CHERP: variants seen among roughly 807,000 people sequenced by gnomAD.
CHERP encodes the protein ERPROT 213-21.
Under a neutral mutation model 113.8 loss-of-function variants are expected in CHERP, and 8 were observed. The observed-to-expected ratio is 0.07, with a 90% confidence interval of 0.04 to 0.13. The LOEUF (loss-of-function observed/expected upper bound fraction) is 0.13, where lower values mean the gene tolerates loss of function less well. Ranked by LOEUF, CHERP falls within the 10% of genes least tolerant of loss-of-function variation. The pLI is 1.00. For synonymous variants in CHERP, 559 were observed against 524.5 expected, an observed-to-expected ratio of 1.07 and a Z score of -0.90; for missense variants, 884 against 1,298.2, an observed-to-expected ratio of 0.68 and a Z score of 4.90.
chr19:16,518,864 T>C lies in CHERP; in HGVS notation c.*295A>G. ...CATCCATCCCTTCGTGGCTGAAGAA[T>C]TTACTCGGGCGGAGGGTCTTGTGTT... On this transcript the variant is annotated 3_prime_UTR_variant, in exon 17 of 17. Coordinates refer to ENST00000546361, the MANE Select transcript of CHERP (RefSeq NM_006387.6). The C allele has an allele frequency of 2.5e-6, 1 of 406,126 alleles. No individual in the cohort carries two copies. Among genetic ancestry groups the C allele is most frequent in the East Asian group, 5.7e-5 (1 of 17,666 alleles). The allele number at this position is 406,126 out of a possible 1,614,324, so 25.2% of individuals were successfully genotyped here.
At chr19:16,539,490 C>T (rs1049650672) in intron 2 of CHERP, among the ~76,000 whole-genome samples, 1 of 152,236 alleles carries the variant, frequency 6.6e-6, no homozygotes, top group East Asian at 1.9e-4. Context: ...AAGGAAGGAT[C>T]GCTCTAGAAA....
chr19:16,531,051 C>T (rs1025208701), intron 5 of CHERP, 171 bp from the exon 6 acceptor site: 11 of 1,149,834 alleles, frequency 9.6e-6, no homozygotes, highest in African/African-American at 4.7e-5. Flanking sequence ...TGCCTGGGCT[C>T]GAGGAAGGGA....
rs765280437 is a variant in CHERP at position 16,523,156 on chromosome 19, T to C, written c.1876A>G (p.Met626Val). Residue 626 changes from methionine to valine, a missense_variant, in exon 11 of 17, where the codon ATG becomes GTG. Met to Val is a conservative substitution (Grantham distance 21). Around this residue, in one of 8 missense-constraint regions of CHERP, gnomAD observed 464 missense variants for 590.1 expected, o/e 0.79. Transcript: ENST00000546361. The surrounding 1 kb of genome is among the most constrained non-coding windows in gnomAD (Gnocchi z 4.0). Reference sequence around the variant, plus strand: ...ATGTGGGGTGGGCCCTGTCGCCGCATGTGTGGGGGCTGCCCGTTGAAGCCA... The same window carrying C: ...ATGTGGGGTGGGCCCTGTCGCCGCACGTGTGGGGGCTGCCCGTTGAAGCCA... ...PHGFNGQPPH[M>V]RRQGPPHINH... The C allele has an allele frequency of 4.5e-6, 7 of 1,559,808 alleles. No individual in the cohort carries two copies. Among genetic ancestry groups the C allele is most frequent in the Non-Finnish European group, 4.3e-6 (5 of 1,155,862 alleles).
chr19:16,534,043 C>CTTTCT (rs1295956916), intron 3 of CHERP, among the ~76,000 whole-genome samples: 1 of 142,374 alleles, frequency 7.0e-6, no homozygotes, highest in East Asian at 2.0e-4. Context: ...CATTCTGGAA[C>CTTTCT]TTTCTTTTCT....
chr19:16,527,404 A>G (rs2085663827), intron 9 of CHERP, among the ~76,000 whole-genome samples: 1 of 152,188 alleles, frequency 6.6e-6, no homozygotes, highest in Non-Finnish European at 1.5e-5. Context: ...CTCAGTCCAG[A>G]GCCAGTCTCC....
rs558840284 is a variant in CHERP at position 16,523,918 on chromosome 19, C to T, written c.1742-628G>A. 3.9e-5 allele frequency among the ~76,000 whole-genome samples: 6 copies of T among 152,304 alleles called. No individual in the cohort carries two copies. In the South Asian group the frequency reaches 1.0e-3, roughly 26 times the overall value. ...CCAAAAAGTAAAAGCAATAAATGTGCCAAGCGGTCTTCAAGCTGCATTTAT... is the reference window on the plus strand; with the variant it reads ...CCAAAAAGTAAAAGCAATAAATGTGTCAAGCGGTCTTCAAGCTGCATTTAT... On this transcript the variant is annotated intron_variant, in intron 10 of 16. Transcript: ENST00000546361. This position sits in a 1 kb window ranked among gnomAD's most constrained non-coding sequence, Gnocchi z 4.0.
Position 16,530,022 on chromosome 19 carries a change from C to T in CHERP, c.877-122G>A, listed in dbSNP as rs2085688120. Reference sequence around the variant, plus strand: ...GGACCTGGGGCAGGTGGACAGGGAACCGTCACGTGAAACAGCCAACACAGT... The same window carrying T: ...GGACCTGGGGCAGGTGGACAGGGAATCGTCACGTGAAACAGCCAACACAGT... On this transcript the variant is annotated intron_variant, in intron 7 of 16. Coordinates refer to ENST00000546361, the MANE Select transcript of CHERP (RefSeq NM_006387.6). This position sits in a 1 kb window ranked among gnomAD's most constrained non-coding sequence, Gnocchi z 4.1. 1.5e-6 allele frequency: 2 copies of T among 1,307,394 alleles called. No individual in the cohort carries two copies. Among genetic ancestry groups the T allele is most frequent in the South Asian group, 1.4e-5 (1 of 70,322 alleles). The allele number at this position is 1,307,394 out of a possible 1,614,324, so 81.0% of individuals were successfully genotyped here.
rs943780656 is a variant in CHERP, at chr19:16,525,149, G to A, written c.1741+93C>T. 15 of 1,201,372 alleles carry A rather than the reference G, an allele frequency of 1.2e-5. No homozygotes were observed. Among genetic ancestry groups the A allele is most frequent in the African/African-American group, 1.1e-4 (7 of 61,932 alleles). 74.4% of individuals were successfully genotyped at this position (1,201,372 alleles called of 1,614,324 possible). On this transcript the variant is annotated intron_variant, in intron 10 of 16. Coordinates refer to ENST00000546361, the MANE Select transcript of CHERP (RefSeq NM_006387.6). This position sits in a 1 kb window ranked among gnomAD's most constrained non-coding sequence, Gnocchi z 6.5. ...TGTGTCTGTCACTGTGCACTCAGGA[G>A]CATGGCAGGGCCACAAGCAGCGCCA...
At position 16,532,399 on chromosome 19, in the gene CHERP, A is replaced by C. The variant is rs2085712388; in HGVS notation, c.674+199T>G. ...AGGACAGGGCATGCAGCGAAGGTGC[A>C]CAGGACACCTAGACCTCGCAGTCCT... On this transcript the variant is annotated intron_variant, in intron 5 of 16. Coordinates refer to ENST00000546361, the MANE Select transcript of CHERP (RefSeq NM_006387.6). This position sits in a 1 kb window ranked among gnomAD's most constrained non-coding sequence, Gnocchi z 4.4. 1 of 622,138 alleles carries C rather than the reference A, an allele frequency of 1.6e-6. No individual in the cohort carries two copies. Among genetic ancestry groups the C allele is most frequent in the South Asian group, 2.1e-5 (1 of 48,400 alleles). The allele number at this position is 622,138 out of a possible 1,614,324, so 38.5% of individuals were successfully genotyped here.
rs369096116 is a variant in CHERP at position 16,541,786 on chromosome 19, G to A, written c.199+84C>T. On this transcript the variant is annotated intron_variant, in intron 2 of 16. Transcript: ENST00000546361. ...ACTTCAAAGAATAAACGACCCGAAAGAAAGAGGTTTGTGGCAGAGCCCGGA... is the reference window on the plus strand; with the variant it reads ...ACTTCAAAGAATAAACGACCCGAAAAAAAGAGGTTTGTGGCAGAGCCCGGA... The A allele has an allele frequency of 1.8e-5, 25 of 1,403,398 alleles. No homozygotes were observed. The East Asian group carries it at 4.3e-4, about 24-fold the overall frequency. The allele number at this position is 1,403,398 out of a possible 1,614,324, so 86.9% of individuals were successfully genotyped here. A position where few individuals can be genotyped will look rare whatever the true frequency, so the allele number is the denominator to read the frequency against.
In CHERP at chr19:16,523,028, T is replaced by C. The variant is rs1378567483; in HGVS notation, c.1980+24A>G. The C allele has an allele frequency of 6.0e-6, 9 of 1,498,750 alleles. No individual in the cohort carries two copies. Among genetic ancestry groups the C allele is most frequent in the Non-Finnish European group, 8.0e-6 (9 of 1,127,670 alleles). 92.8% of individuals were successfully genotyped at this position (1,498,750 alleles called of 1,614,324 possible). A position where few individuals can be genotyped will look rare whatever the true frequency, so the allele number is the denominator to read the frequency against. On this transcript the variant is annotated intron_variant, in intron 11 of 16. Transcript: ENST00000546361. The surrounding 1 kb of genome is among the most constrained non-coding windows in gnomAD (Gnocchi z 4.0). ...GACCAGTATGGTAAGCGTGCTCAGC[T>C]TGGAGCCCACTGTGGGGCATTACCT... is the stretch of plus-strand genomic sequence containing the variant.
rs1201720347 is a variant in CHERP, at chr19:16,541,916, T to C, written c.153A>G (p.Glu51=). The change falls in exon 2 of 17, where the codon GAA becomes GAG. Residue 51 remains glutamate, a synonymous_variant. Transcript: ENST00000546361. Reference sequence around the variant, plus strand: ...GCTTGCACTTGTAGTAACTGTAGAATTCGCCTCCGAAAAGAAACGAGAATT... The same window carrying C: ...GCTTGCACTTGTAGTAACTGTAGAACTCGCCTCCGAAAAGAAACGAGAATT... ...NPKFSFLFGG[E]FYSYYKCKLA... is the part of the protein sequence containing the mutation. The C allele has an allele frequency of 3.1e-6, 5 of 1,613,954 alleles. No homozygotes were observed. The highest frequency in any genetic ancestry group is 4.2e-6 in the Non-Finnish European group (5 of 1,179,988).
Position 16,535,600 on chromosome 19 carries a change from G to A in CHERP, c.236C>T (p.Ala79Val). The change falls in exon 3 of 17, where the codon GCC becomes GTC. Residue 79 changes from alanine (A) to valine (V), a missense_variant. Ala to Val is a moderately conservative substitution (Grantham distance 64, BLOSUM62 0). Transcript: ENST00000546361. The surrounding 1 kb of genome is among the most constrained non-coding windows in gnomAD (Gnocchi z 4.3). ...CTGTGGCAGGGGTGGCATGGTGGCG[G>A]CTGGCTCCAGCTCCGGGGTCTGCTG... Reference protein sequence around the residue: ...CKQQTPELEPAATMPPLPQPP... With the variant: ...CKQQTPELEPVATMPPLPQPP... The A allele has an allele frequency of 6.5e-7, 1 of 1,541,384 alleles. No individual in the cohort carries two copies.
Position 16,535,754 on chromosome 19 carries a change from G to T in CHERP, c.200-118C>A. Reference sequence around the variant, plus strand: ...CCCCAGGGACTCACCATCCACGAGGGCCTGTTCATAGCCTCATGCCCACGC... The same window carrying T: ...CCCCAGGGACTCACCATCCACGAGGTCCTGTTCATAGCCTCATGCCCACGC... On this transcript the variant is annotated intron_variant, in intron 2 of 16. Coordinates refer to ENST00000546361, the MANE Select transcript of CHERP (RefSeq NM_006387.6). This position sits in a 1 kb window ranked among gnomAD's most constrained non-coding sequence, Gnocchi z 4.3. 1.0e-6 allele frequency: 1 copy of T among 993,680 alleles called. No homozygotes were observed. Among genetic ancestry groups the T allele is most frequent in the Non-Finnish European group, 1.4e-6 (1 of 697,896 alleles). 61.6% of individuals were successfully genotyped at this position (993,680 alleles called of 1,614,324 possible).
Position 16,520,031 on chromosome 19 carries a change from C to G in CHERP, c.2462+118G>C, listed in dbSNP as rs2085594283. 1 of 1,087,386 alleles carries G rather than the reference C, an allele frequency of 9.2e-7. No homozygotes were observed. The highest frequency in any genetic ancestry group is 2.0e-5 in the Admixed American group (1 of 50,918). The allele number at this position is 1,087,386 out of a possible 1,614,324, so 67.4% of individuals were successfully genotyped here. ...TGAAGGGTGAGGGGTGCCACTGTCCCCGGGCTAATGCTGGCGGCCTCCTAA... is the reference window on the plus strand; with the variant it reads ...TGAAGGGTGAGGGGTGCCACTGTCCGCGGGCTAATGCTGGCGGCCTCCTAA... On this transcript the variant is annotated intron_variant, in intron 15 of 16. Transcript: ENST00000546361. The surrounding 1 kb of genome is among the most constrained non-coding windows in gnomAD (Gnocchi z 4.0).
At position 16,518,511 on chromosome 19, in the gene CHERP, G is replaced by A. The variant is rs2085570348; in HGVS notation, c.*648C>T. ...AACTAAGGGCCAGTACGCCTTCGAA[G>A]AATTAGGTTTCAGAATCTCACTGGG... On this transcript the variant is annotated 3_prime_UTR_variant, in exon 17 of 17. Transcript: ENST00000546361. 6.6e-6 allele frequency: 1 copy of A among 152,226 alleles called. No individual in the cohort carries two copies. The highest frequency in any genetic ancestry group is 2.1e-4 in the South Asian group (1 of 4,834). The allele number at this position is 152,226 out of a possible 1,614,324, so 9.4% of individuals were successfully genotyped here.
chr19:16,535,822 A>G lies in CHERP; in HGVS notation c.200-186T>C, dbSNP rs1188511972. On this transcript the variant is annotated intron_variant, in intron 2 of 16. Coordinates refer to ENST00000546361, the MANE Select transcript of CHERP (RefSeq NM_006387.6). The surrounding 1 kb of genome is among the most constrained non-coding windows in gnomAD (Gnocchi z 4.3). ...TCTCGGGTCCTGCCCTCCCTCTCAC[A>G]GGATCCCAGCCTCAGCATTCCATCT... Among the ~76,000 whole-genome samples the G allele has an allele frequency of 6.6e-6, 1 of 152,058 alleles. No individual in the cohort carries two copies. The highest frequency in any genetic ancestry group is 2.4e-5 in the African/African-American group (1 of 41,416).
rs943584258 is a variant in CHERP, at chr19:16,535,766, C to T, written c.200-130G>A. The T allele has an allele frequency of 2.4e-5, 21 of 857,752 alleles. No individual in the cohort carries two copies. The East Asian group carries it at 6.0e-4, about 24-fold the overall frequency. The allele number at this position is 857,752 out of a possible 1,614,324, so 53.1% of individuals were successfully genotyped here. A position where few individuals can be genotyped will look rare whatever the true frequency, so the allele number is the denominator to read the frequency against. On this transcript the variant is annotated intron_variant, in intron 2 of 16. Transcript: ENST00000546361. This position sits in a 1 kb window ranked among gnomAD's most constrained non-coding sequence, Gnocchi z 4.3. ...ACCATCCACGAGGGCCTGTTCATAG[C>T]CTCATGCCCACGCAAACCAGCTCCT...
At chr19:16,529,167 G>A (rs2085678015) in intron 8 of CHERP, among the ~76,000 whole-genome samples, 1 of 152,128 alleles carries the variant, frequency 6.6e-6, no homozygotes, top group African/African-American at 2.4e-5. Flanking sequence ...AAGTAGCTGG[G>A]ACGACAGGTG....
Sources: allele counts gnomAD v4.1 joint callset (sites outside exome capture counted in the v4.1 genomes callset), GRCh38; gene constraint gnomAD v4.1.1; regional missense constraint gnomAD v4.1.1; non-coding constraint Gnocchi (gnomAD v3.1); transcripts MANE v1.5; gene names NCBI Gene and HGNC (gene_info 2026-07-23, HGNC 2026-07-21).